Variants in DNAH2 observed in about 807,000 individuals in gnomAD.
The protein encoded by DNAH2 is axonemal beta dynein heavy chain 2.
Under a neutral mutation model 523.5 loss-of-function variants are expected in DNAH2, and 323 were observed. The observed-to-expected ratio is 0.62, with a 90% CI of 0.56 to 0.68. The LOEUF is 0.68. Ranked by LOEUF, DNAH2 falls within the 30% of genes least tolerant of loss-of-function variation. DNAH2 has a pLI of 0.00. For synonymous variants in DNAH2, 2,093 were observed against 2,177.4 expected (o/e 0.96, Z 1.08); for missense variants, 4,907 against 5,701.5 (o/e 0.86, Z 4.49).
intron 77 of DNAH2, among the ~76,000 whole-genome samples, chr17:7,826,338 C>T (rs2078017459): frequency 6.6e-6 from 1 of 152,058 alleles, no homozygotes; most frequent in African/African-American, 2.4e-5. Flanking sequence ...CTGAGTTTTA[C>T]TTCAAATAAG....
Position 7,757,167 on chromosome 17 carries a change from G to C in DNAH2, c.1981G>C (p.Val661Leu). Residue 661 changes from valine to leucine, a missense_variant, in exon 13 of 86, where the codon GTA (valine) becomes CTA (leucine). Around this residue, in one of 3 missense-constraint regions of DNAH2, gnomAD observed 2,806 missense variants for 3,190.8 expected, o/e 0.88. Coordinates refer to ENST00000572933, the MANE Select transcript of DNAH2 (RefSeq NM_020877.5). ...TGAGACGCCCCATTACGTGGTGAAC[G>C]TAGCTGAGCGAGCCGAGGACCTGCG... The part of the protein sequence containing the change: ...LFETPHYVVN[V>L]AERAEDLRIL... 2 of 1,614,176 alleles carry C rather than the reference G, an allele frequency of 1.2e-6. No homozygotes were observed. The highest frequency in any genetic ancestry group is 2.2e-5 in the East Asian group (1 of 44,886).
At chr17:7,734,387 C>T in intron 6 of DNAH2, 83 bp from the exon 7 acceptor site, 1 of 1,597,500 alleles carries the variant, frequency 6.3e-7, no homozygotes, top group Non-Finnish European at 8.6e-7. Context: ...GTTAGGAGGT[C>T]TCTGTCGGGG....
chr17:7,786,554 C>T lies in DNAH2; in HGVS notation c.6349-16C>T, dbSNP rs773391379. 5.6e-6 allele frequency: 9 copies of T among 1,609,284 alleles called. No homozygotes were observed. In the African/African-American group the frequency reaches 1.1e-4, roughly 19 times the overall value. The stretch of plus-strand genomic sequence containing the variant: ...TGTCCATCAGCAGCTAAAACCCCTT[C>T]CGGTGTCATTTTCAGGAGTTCCCTT... On this transcript the variant is annotated splice_polypyrimidine_tract_variant and intron_variant, in intron 40 of 85. Transcript: ENST00000572933. This position sits in a 1 kb window ranked among gnomAD's most constrained non-coding sequence, Gnocchi z 7.5.
In DNAH2 at chr17:7,828,666, A is replaced by G. The variant is rs2078085929; in HGVS notation, c.11854-1634A>G. ...GTTACGTTGCCTGGGTTGGTCTCAA[A>G]CTCCTAGGCTCAAGTGATCCTCCCA... On this transcript the variant is annotated intron_variant, in intron 77 of 85. Transcript: ENST00000572933. This position sits in a 1 kb window ranked among gnomAD's most constrained non-coding sequence, Gnocchi z 4.1. Among the ~76,000 whole-genome samples the G allele has an allele frequency of 6.6e-6, 1 of 151,942 alleles. No individual in the cohort carries two copies. The highest frequency in any genetic ancestry group is 2.4e-5 in the African/African-American group (1 of 41,278).
chr17:7,819,554 A>G (rs1384583000), intron 72 of DNAH2, 146 bp downstream of exon 72: 3 of 804,354 alleles, frequency 3.7e-6, no homozygotes, highest in Non-Finnish European at 6.1e-6. Context: ...CCTCACTCTC[A>G]TGGCTTAACC....
At chr17:7,787,277 C>A in intron 42 of DNAH2, 1 of 566,488 alleles carries the variant, frequency 1.8e-6, no homozygotes, top group Non-Finnish European at 3.1e-6. Context: ...TTGGGCGGCC[C>A]TCCTCGGCTC....
At chr17:7,773,886 C>A (rs548392438) in intron 28 of DNAH2, among the ~76,000 whole-genome samples, 1 of 152,056 alleles carries the variant, frequency 6.6e-6, no homozygotes, top group African/African-American at 2.4e-5. Flanking sequence ...CCCGCCACCA[C>A]GCCTGGCTAA....
chr17:7,805,810 C>T (rs946148209), intron 61 of DNAH2, among the ~76,000 whole-genome samples: 37 of 152,034 alleles, frequency 2.4e-4, no homozygotes, highest in African/African-American at 6.5e-4. Context: ...GCCGAGATTG[C>T]GCCATTGCAC....
intron 39 of DNAH2, among the ~76,000 whole-genome samples, chr17:7,782,194 G>A (rs1267052402): frequency 6.6e-6 from 1 of 152,164 alleles, no homozygotes; most frequent in Non-Finnish European, 1.5e-5. Context: ...AGAAGATGCA[G>A]TGCTGCATAA....
intron 44 of DNAH2, among the ~76,000 whole-genome samples, chr17:7,790,998 T>G (rs2076880900): frequency 6.6e-6 from 1 of 152,182 alleles, no homozygotes; most frequent in Admixed American, 6.5e-5. Context: ...TGAGCCACCA[T>G]GTCTGGCCTA....
chr17:7,833,432 C>G lies in DNAH2; in HGVS notation c.13183C>G (p.Arg4395Gly), dbSNP rs1472542995. The change falls in exon 86 of 86, where the codon CGA becomes GGA. Residue 4395 changes from arginine to glycine, a missense_variant. Coordinates refer to ENST00000572933, the MANE Select transcript of DNAH2 (RefSeq NM_020877.5). ...YYPNRAGSSD[R>G]ASFVIGIDLR... ...TCCCAACCGGGCAGGCAGCTCAGAC[C>G]GAGCCTCCTTTGTCATCGGCATTGA... The G allele has an allele frequency of 1.2e-6, 2 of 1,614,050 alleles. No individual in the cohort carries two copies. Among genetic ancestry groups the G allele is most frequent in the Non-Finnish European group, 1.7e-6 (2 of 1,180,054 alleles).
chr17:7,740,695 C>T (rs1234152462), intron 10 of DNAH2, 115 bp from the exon 11 acceptor site: 4 of 1,528,604 alleles, frequency 2.6e-6, no homozygotes, highest in Non-Finnish European at 3.5e-6. Flanking sequence ...TCCCTGGCTT[C>T]GGCGTCCCCG....
chr17:7,824,287 G>A lies in DNAH2; in HGVS notation c.11645G>A (p.Arg3882Gln), dbSNP rs377446526. ...GCCCCCATCGCTGCTCGGCTCCTCC[G>A]AGAGGGTGTGACTCAGGGTTGGTGT... The part of the protein sequence containing the change: ...GQAPIAARLL[R>Q]EGVTQGHWVF... The change falls in exon 76 of 86, where the codon CGA (arginine) becomes CAA (glutamine). Residue 3882 changes from arginine to glutamine, a missense_variant. This residue lies in a region of DNAH2 where 1,851 missense variants were observed against 2,139.4 expected (regional missense o/e 0.87). Transcript: ENST00000572933. The A allele has an allele frequency of 5.3e-5, 81 of 1,529,104 alleles. No homozygotes were observed. The highest frequency in any genetic ancestry group is 6.6e-5 in the Non-Finnish European group (75 of 1,142,646). 94.7% of individuals were successfully genotyped at this position (1,529,104 alleles called of 1,614,324 possible).
chr17:7,830,901 G>C (rs767161003), intron 79 of DNAH2, 59 bp downstream of exon 79: 53 of 1,603,604 alleles, frequency 3.3e-5, no homozygotes, highest in Non-Finnish European at 4.5e-5. Flanking sequence ...CAGGTGGTGG[G>C]ATCAGGGGTG....
At chr17:7,722,162 C>T (rs936371371) in intron 2 of DNAH2, among the ~76,000 whole-genome samples, 5 of 131,026 alleles carry the variant, frequency 3.8e-5, no homozygotes, top group African/African-American at 5.9e-5. Flanking sequence ...CCATGCCTGG[C>T]TAATTTTTTG....
At position 7,805,687 on chromosome 17, in the gene DNAH2, C is replaced by CA. The variant is rs200534912; in HGVS notation, c.9442+303dup. 3.6e-3 allele frequency among the ~76,000 whole-genome samples: 547 copies of CA among 150,556 alleles called. 2 individuals carry two copies. The highest frequency in any genetic ancestry group is 0.011 in the African/African-American group (472 of 41,068). On this transcript the variant is annotated intron_variant, in intron 61 of 85. Transcript: ENST00000572933. The stretch of plus-strand genomic sequence containing the variant: ...GCAACATGACGAAAACCCATCTCTA[C>CA]AAAAAAAAATGCAAAAATTAGCTGG...
intron 63 of DNAH2, among the ~76,000 whole-genome samples, chr17:7,815,663 CAT>C (rs1278461410): frequency 1.3e-5 from 2 of 151,702 alleles, no homozygotes; most frequent in African/African-American, 2.4e-5. Context: ...GGATCACACA[CAT>C]ATACGGGATC....
In DNAH2 at chr17:7,831,613, C is replaced by T. The variant is rs770049021; in HGVS notation, c.12612-48C>T. On this transcript the variant is annotated intron_variant, in intron 81 of 85. Transcript: ENST00000572933. The surrounding 1 kb of genome is among the most constrained non-coding windows in gnomAD (Gnocchi z 4.2). The stretch of plus-strand genomic sequence containing the variant: ...AGCCTTTGCCTTCTGGCTAGAATGA[C>T]GTTCCCAGGCCCACCTCATCTCTAA... 6.8e-6 allele frequency: 11 copies of T among 1,612,806 alleles called. No individual in the cohort carries two copies. The highest frequency in any genetic ancestry group is 5.0e-5 in the Admixed American group (3 of 59,944).
intron 14 of DNAH2, 44 bp downstream of exon 14, chr17:7,758,695 GGTCA>G: frequency 6.3e-7 from 1 of 1,589,044 alleles, no homozygotes; most frequent in Non-Finnish European, 8.6e-7. Context: ...AAGGCTGATG[GGTCA>G]TTTATACCTG....
Sources: gnomAD v4.1 joint callset for allele counts (sites outside exome capture counted in the v4.1 genomes callset) on GRCh38, gnomAD v4.1.1 for gene constraint, gnomAD v4.1.1 regional missense constraint, Gnocchi (gnomAD v3.1) non-coding constraint, MANE v1.5 for transcripts, NCBI Gene and HGNC (gene_info 2026-07-23, HGNC 2026-07-21) for gene names.